Variants in ZBTB20 observed in about 807,000 individuals in gnomAD.
The protein encoded by ZBTB20 is zinc finger and BTB domain-containing protein 20.
ZBTB20 carries 9 observed loss-of-function variants against 56.9 expected under a neutral mutation model. That is an observed-to-expected ratio of 0.16 (90% CI 0.10 to 0.28). The LOEUF is 0.28. Ranked by LOEUF, ZBTB20 falls within the 10% of genes least tolerant of loss-of-function variation. The pLI is 1.00. For synonymous variants in ZBTB20, 417 were observed against 420.7 expected, an observed-to-expected ratio of 0.99 and a Z score of 0.11; for missense variants, 655 against 1,003.0, an observed-to-expected ratio of 0.65 and a Z score of 4.69.
intron 3 of ZBTB20, among the ~76,000 whole-genome samples, chr3:114,942,523 C>G (rs1196837811): frequency 6.9e-6 from 1 of 145,502 alleles, no homozygotes; most frequent in Non-Finnish European, 1.5e-5. Flanking sequence ...ACCACCCTCC[C>G]TCAAATATCA....
At chr3:114,644,408 A>G (rs183079060) in intron 6 of ZBTB20, among the ~76,000 whole-genome samples, 20 of 152,262 alleles carry the variant, frequency 1.3e-4, no homozygotes, top group Admixed American at 1.1e-3. Context: ...TTTAAGAGTT[A>G]CAGGTTATGT....
At chr3:114,626,100 G>A (rs988999521) in intron 6 of ZBTB20, among the ~76,000 whole-genome samples, 3 of 152,168 alleles carry the variant, frequency 2.0e-5, no homozygotes, top group Non-Finnish European at 2.9e-5. Flanking sequence ...TCGGGAACAC[G>A]AGTAAAATAT....
At chr3:115,107,067 G>T (rs969214872) in intron 1 of ZBTB20, among the ~76,000 whole-genome samples, 8 of 152,148 alleles carry the variant, frequency 5.3e-5, no homozygotes, top group African/African-American at 1.9e-4. Flanking sequence ...TTAAGATCTT[G>T]TGACAAACAA....
At chr3:114,361,904 G>A (rs1008242815) in intron 10 of ZBTB20, among the ~76,000 whole-genome samples, 3 of 152,194 alleles carry the variant, frequency 2.0e-5, no homozygotes, top group African/African-American at 7.2e-5. Context: ...ACTGTGGAGG[G>A]CATCTGTAAA....
At chr3:114,710,757 A>G (rs2064019460) in intron 5 of ZBTB20, among the ~76,000 whole-genome samples, 1 of 152,184 alleles carries the variant, frequency 6.6e-6, no homozygotes, top group Non-Finnish European at 1.5e-5. Flanking sequence ...CTGACCCTGT[A>G]GACTGTTCTC....
intron 6 of ZBTB20, among the ~76,000 whole-genome samples, chr3:114,503,411 A>G (rs1307816003): frequency 6.6e-6 from 1 of 152,242 alleles, no homozygotes; most frequent in Non-Finnish European, 1.5e-5. Context: ...AAAGACACCT[A>G]CTTCTTGACT....
chr3:114,477,574 C>A (rs2109326288), intron 7 of ZBTB20, among the ~76,000 whole-genome samples: 1 of 151,014 alleles, frequency 6.6e-6, no homozygotes, highest in Non-Finnish European at 1.5e-5. Context: ...CAGCTCACCG[C>A]AACCTCTGCC....
chr3:114,625,448 ACAAATAAAATGCAAGGCACTG>A (rs1419593250), intron 6 of ZBTB20, among the ~76,000 whole-genome samples: 1 of 152,196 alleles, frequency 6.6e-6, no homozygotes, highest in East Asian at 1.9e-4. Flanking sequence ...AAGTAGCAAA[ACAAATAAAATGCAAGGCACTG>A]CAGTTAAATA....
At chr3:114,480,779 C>A (rs1471112555) in intron 7 of ZBTB20, among the ~76,000 whole-genome samples, 1 of 151,438 alleles carries the variant, frequency 6.6e-6, no homozygotes, top group African/African-American at 2.4e-5. Flanking sequence ...GGGATGTCAG[C>A]AAAGAGGCAA....
chr3:114,804,506 A>G (rs2071956483), intron 4 of ZBTB20, among the ~76,000 whole-genome samples: 1 of 151,974 alleles, frequency 6.6e-6, no homozygotes, highest in South Asian at 2.1e-4. Flanking sequence ...TCATCTCTCT[A>G]TAATTTATTT....
At chr3:115,090,619 G>A (rs906467026) in intron 1 of ZBTB20, among the ~76,000 whole-genome samples, 1 of 151,754 alleles carries the variant, frequency 6.6e-6, no homozygotes, top group Non-Finnish European at 1.5e-5. Flanking sequence ...AAATTTGTGT[G>A]TTTTGCTTTG....
At chr3:114,713,995 A>G (rs2064279199) in intron 5 of ZBTB20, 1 of 152,618 alleles carries the variant, frequency 6.6e-6, no homozygotes, top group Non-Finnish European at 1.5e-5. Context: ...AGGTAATAGG[A>G]AGCCTTGGTA....
At chr3:114,943,327 A>T (rs1220180810) in intron 3 of ZBTB20, among the ~76,000 whole-genome samples, 1 of 145,432 alleles carries the variant, frequency 6.9e-6, no homozygotes, top group Non-Finnish European at 1.5e-5. Context: ...CATACAAAAC[A>T]CTCTAAATTT....
intron 7 of ZBTB20, among the ~76,000 whole-genome samples, chr3:114,472,435 C>T (rs2669896): frequency 0.68 from 103,824 of 152,068 alleles, 39,177 homozygotes; most frequent in Non-Finnish European, 0.85. Context: ...CAGCTGGGCG[C>T]GCAGTGGCTC....
intron 2 of ZBTB20, among the ~76,000 whole-genome samples, chr3:114,976,077 C>G (rs1205720944): frequency 2.0e-5 from 3 of 152,184 alleles, no homozygotes; most frequent in South Asian, 2.1e-4. Context: ...TCTGCAACTA[C>G]AAACTTCTAC....
intron 6 of ZBTB20, among the ~76,000 whole-genome samples, chr3:114,662,137 G>A (rs1346197511): frequency 6.8e-6 from 1 of 146,968 alleles, no homozygotes; most frequent in Non-Finnish European, 1.5e-5. Flanking sequence ...TCCCACCTAT[G>A]AGTGAGAATA....
chr3:114,786,275 A>G (rs973711533), intron 5 of ZBTB20, among the ~76,000 whole-genome samples: 1 of 151,916 alleles, frequency 6.6e-6, no homozygotes, highest in African/African-American at 2.4e-5. Flanking sequence ...TATTTCTCCT[A>G]ATGCTATCCC....
At chr3:114,504,929 T>G (rs2044421561) in intron 6 of ZBTB20, among the ~76,000 whole-genome samples, 1 of 152,194 alleles carries the variant, frequency 6.6e-6, no homozygotes. Flanking sequence ...AAAATCTACA[T>G]ATTTTTAACC....
intron 11 of ZBTB20, among the ~76,000 whole-genome samples, chr3:114,349,534 A>T (rs970721838): frequency 2.6e-5 from 4 of 152,202 alleles, no homozygotes; most frequent in African/African-American, 9.7e-5. Flanking sequence ...TAATTACAGA[A>T]ACTCACTCCA....
Sources: gnomAD v4.1 joint callset for allele counts (sites outside exome capture counted in the v4.1 genomes callset) on GRCh38, gnomAD v4.1.1 for gene constraint, MANE v1.5 for transcripts, NCBI Gene and HGNC (gene_info 2026-07-23, HGNC 2026-07-21) for gene names.